Variants in RGS7 observed in about 807,000 individuals in gnomAD.
RGS7 encodes regulator of G-protein signaling 7.
Under a neutral mutation model 81.1 loss-of-function variants are expected in RGS7, and 27 were observed. The ratio of observed to expected loss-of-function variants is 0.33; its 90% CI spans 0.25 to 0.46. The LOEUF (loss-of-function observed/expected upper bound fraction) is 0.46. RGS7 is among the 20% of genes least tolerant of loss of function. The pLI is 1.00. For missense variants in RGS7, 396 were observed against 607.4 expected, an observed-to-expected ratio of 0.65 and a Z score of 3.66; for synonymous variants, 208 against 207.7, an observed-to-expected ratio of 1.00 and a Z score of -0.01.
In RGS7 at chr1:241,277,934, A is replaced by G. The variant is rs2078282091; in HGVS notation, c.78+77765T>C. Reference sequence around the variant, plus strand: ...ATCTTTAGTTTTTCTCCATTTTGTTATTTGATTCTCTTCTTCAGGAATAGC... The same window carrying G: ...ATCTTTAGTTTTTCTCCATTTTGTTGTTTGATTCTCTTCTTCAGGAATAGC... On this transcript the variant is annotated intron_variant, in intron 2 of 18. Coordinates refer to ENST00000440928, the MANE Select transcript of RGS7 (RefSeq NM_001364886.1). Among the ~76,000 whole-genome samples the G allele has an allele frequency of 3.3e-5, 5 of 152,124 alleles. 1 individual carries two copies. Among genetic ancestry groups the G allele is most frequent in the African/African-American group, 9.7e-5 (4 of 41,428 alleles).
intron 2 of RGS7, among the ~76,000 whole-genome samples, chr1:241,235,604 T>TC (rs2075892108): frequency 1.8e-5 from 2 of 111,460 alleles, no homozygotes; most frequent in Non-Finnish European, 3.9e-5. Flanking sequence ...TTCCTTTATT[T>TC]TTCTTTCTTC....
Position 240,775,881 on chromosome 1 carries a change from A to AG in RGS7, c.*338_*339insC. 1 of 378,614 alleles carries AG rather than the reference A, an allele frequency of 2.6e-6. No individual in the cohort carries two copies. The highest frequency in any genetic ancestry group is 3.1e-5 in the South Asian group (1 of 31,912). The allele number at this position is 378,614 out of a possible 1,614,324, so 23.5% of individuals were successfully genotyped here. On this transcript the variant is annotated 3_prime_UTR_variant, in exon 19 of 19. Transcript: ENST00000440928. The stretch of plus-strand genomic sequence containing the variant: ...AAGCTTTGAGAGAGAGAGAGAGAGA[A>AG]AGAAGGAAAAAAAGAAAAGGTTTTA...
intron 3 of RGS7, among the ~76,000 whole-genome samples, chr1:241,077,493 T>C (rs1416000448): frequency 3.9e-5 from 6 of 152,206 alleles, no homozygotes; most frequent in South Asian, 2.1e-4. Flanking sequence ...ACACTGGATC[T>C]CTTTGTTCCT....
intron 2 of RGS7, among the ~76,000 whole-genome samples, chr1:241,307,059 T>C (rs543292919): frequency 1.3e-5 from 2 of 152,378 alleles, no homozygotes; most frequent in East Asian, 3.9e-4. Flanking sequence ...AATAGATTTT[T>C]ATTGAAAGAT....
intron 3 of RGS7, among the ~76,000 whole-genome samples, chr1:241,014,566 A>T (rs1290881429): frequency 2.0e-5 from 3 of 152,204 alleles, no homozygotes. Flanking sequence ...TGGCCCAATG[A>T]TGTCACAGGA....
chr1:240,920,407 A>G lies in RGS7; in HGVS notation c.385+10310T>C, dbSNP rs949776136. ...AATGGATTTGGTAATGATGCCAGCA[A>G]TTTTGGAGGTGGTGGAAGCTACAAT... On this transcript the variant is annotated intron_variant, in intron 6 of 18. Coordinates refer to ENST00000440928, the MANE Select transcript of RGS7 (RefSeq NM_001364886.1). The G allele has an allele frequency of 1.3e-5, 19 of 1,412,704 alleles. 1 individual carries two copies. Among genetic ancestry groups the G allele is most frequent in the Non-Finnish European group, 1.8e-5 (18 of 1,012,592 alleles). The allele number at this position is 1,412,704 out of a possible 1,614,324, so 87.5% of individuals were successfully genotyped here.
At chr1:241,289,958 T>C (rs2079007366) in intron 2 of RGS7, among the ~76,000 whole-genome samples, 1 of 152,222 alleles carries the variant, frequency 6.6e-6, no homozygotes, top group Non-Finnish European at 1.5e-5. Flanking sequence ...CATTCTAGCT[T>C]AGAGTGAATC....
At chr1:241,037,740 G>C (rs1194945580) in intron 3 of RGS7, among the ~76,000 whole-genome samples, 1 of 147,908 alleles carries the variant, frequency 6.8e-6, no homozygotes, top group South Asian at 2.1e-4. Context: ...AAAAAAAGTG[G>C]ATACAGAAAA....
intron 2 of RGS7, among the ~76,000 whole-genome samples, chr1:241,355,017 TG>T (rs1414315633): frequency 2.0e-5 from 3 of 152,180 alleles, no homozygotes; most frequent in Admixed American, 2.0e-4. Flanking sequence ...AAAAGTTTGT[TG>T]CCAGTAGCAT....
chr1:240,905,477 T>C (rs1300834350), intron 6 of RGS7, among the ~76,000 whole-genome samples: 7 of 152,134 alleles, frequency 4.6e-5, no homozygotes, highest in Non-Finnish European at 1.0e-4. Context: ...GATCTCAAAA[T>C]CAGATTCCAT....
At chr1:240,920,457 T>C in intron 6 of RGS7, 1 of 1,083,024 alleles carries the variant, frequency 9.2e-7, no homozygotes. Flanking sequence ...CAACAATCAA[T>C]CTTCACATTT....
rs919310335 is a variant in RGS7 at position 240,805,225 on chromosome 1, T to TA, written c.1269+914dup. Reference sequence around the variant, plus strand: ...CCCACCCTGTCTCTACAAAAAAAAATAAAAAAAAATTAGCCAGGCATGGTG... The same window carrying TA: ...CCCACCCTGTCTCTACAAAAAAAAATAAAAAAAAAATTAGCCAGGCATGGTG... On this transcript the variant is annotated intron_variant, in intron 15 of 18. Transcript: ENST00000440928. Among the ~76,000 whole-genome samples the TA allele has an allele frequency of 7.7e-5, 11 of 142,390 alleles. No individual in the cohort carries two copies. In the East Asian group the frequency reaches 1.2e-3, roughly 16 times the overall value. The allele number at this position is 142,390 out of a possible 152,430, so 93.4% of individuals were successfully genotyped here.
intron 3 of RGS7, among the ~76,000 whole-genome samples, chr1:241,080,451 A>G (rs150528440): frequency 1.5e-3 from 227 of 152,214 alleles, no homozygotes; most frequent in Middle Eastern, 6.8e-3. Context: ...TAACATAAGT[A>G]ATTTTTTGGC....
intron 6 of RGS7, among the ~76,000 whole-genome samples, chr1:240,895,254 T>TTTTC (rs1246254178): frequency 6.6e-6 from 1 of 151,494 alleles, no homozygotes; most frequent in African/African-American, 2.4e-5. Flanking sequence ...TAAACCTCTT[T>TTTTC]TTTCTTTCTT....
At chr1:241,339,960 G>A (rs1310072200) in intron 2 of RGS7, among the ~76,000 whole-genome samples, 1 of 152,166 alleles carries the variant, frequency 6.6e-6, no homozygotes, top group African/African-American at 2.4e-5. Flanking sequence ...TTGACAGTGA[G>A]CTTTGAGTCA....
intron 4 of RGS7, among the ~76,000 whole-genome samples, chr1:240,958,449 G>A (rs1474764163): frequency 2.0e-5 from 3 of 152,154 alleles, no homozygotes; most frequent in African/African-American, 7.2e-5. Flanking sequence ...CTTGTCTGTT[G>A]GCTTTTGTCA....
At chr1:240,887,568 T>G (rs1423015457) in intron 6 of RGS7, among the ~76,000 whole-genome samples, 2 of 152,192 alleles carry the variant, frequency 1.3e-5, no homozygotes, top group Admixed American at 1.3e-4. Flanking sequence ...GGGTTGGACC[T>G]AGAGTTATCT....
intron 2 of RGS7, among the ~76,000 whole-genome samples, chr1:241,101,316 C>T (rs2459947): frequency 1.2e-3 from 183 of 152,020 alleles, no homozygotes; most frequent in African/African-American, 4.1e-3. Context: ...GCCAACATGG[C>T]GCAACCCTGT....
chr1:241,087,750 A>G (rs1393486474), intron 3 of RGS7, among the ~76,000 whole-genome samples: 1 of 152,020 alleles, frequency 6.6e-6, no homozygotes, highest in African/African-American at 2.4e-5. Context: ...GCAGTTTGAG[A>G]TCAGCCCAGG....
Sources: gnomAD v4.1 joint callset for allele counts (sites outside exome capture counted in the v4.1 genomes callset) on GRCh38, gnomAD v4.1.1 for gene constraint, MANE v1.5 for transcripts, NCBI Gene and HGNC (gene_info 2026-07-23, HGNC 2026-07-21) for gene names.